STK40: variants seen among roughly 807,000 people sequenced by gnomAD.
The protein encoded by STK40 is serine/threonine-protein kinase 40.
A neutral mutation model predicts 47.9 loss-of-function variants in STK40; 13 were observed. The observed-to-expected ratio is 0.27, with a 90% CI of 0.18 to 0.43. The LOEUF (loss-of-function observed/expected upper bound fraction) is 0.43, where lower values mean the gene tolerates loss of function less well. Ranked by LOEUF, STK40 falls within the 20% of genes least tolerant of loss-of-function variation. STK40 has a pLI of 1.00. For synonymous variants in STK40, 225 were observed against 243.2 expected (o/e 0.93, Z 0.69); for missense variants, 460 against 595.1 (o/e 0.77, Z 2.36).
intron 9 of STK40, 67 bp downstream of exon 9, chr1:36,343,789 CTTTT>C: frequency 6.6e-7 from 1 of 1,511,432 alleles, no homozygotes; most frequent in Non-Finnish European, 8.8e-7. Flanking sequence ...CTACTGGCTG[CTTTT>C]CTGGGTAGGA....
chr1:36,364,535 T>G (rs1395295287), intron 1 of STK40, among the ~76,000 whole-genome samples: 2 of 152,252 alleles, frequency 1.3e-5, no homozygotes, highest in Admixed American at 1.3e-4. Context: ...TTTATGAATT[T>G]CCTTTATATT....
At chr1:36,345,710 C>T (rs781696458) in intron 7 of STK40, among the ~76,000 whole-genome samples, 1 of 151,976 alleles carries the variant, frequency 6.6e-6, no homozygotes, top group Non-Finnish European at 1.5e-5. Flanking sequence ...CCTCTCCTCC[C>T]GTGGCTGGAA....
intron 5 of STK40, among the ~76,000 whole-genome samples, chr1:36,354,776 A>G (rs1376194976): frequency 1.3e-5 from 2 of 151,900 alleles, no homozygotes; most frequent in African/African-American, 4.8e-5. Flanking sequence ...CTTTGTGACT[A>G]AGTACCACAG....
At chr1:36,344,865 C>T (rs974619348) in intron 7 of STK40, among the ~76,000 whole-genome samples, 5 of 152,208 alleles carry the variant, frequency 3.3e-5, no homozygotes, top group African/African-American at 7.2e-5. Context: ...ATCTGTAAAG[C>T]GAAAAGGAGC....
chr1:36,384,031 C>CCTT (rs1553140343), intron 1 of STK40, among the ~76,000 whole-genome samples: 1 of 131,952 alleles, frequency 7.6e-6, no homozygotes. Context: ...TCTTCTTCTT[C>CCTT]TTTTTTTTTT....
At position 36,374,872 on chromosome 1, in the gene STK40, T is replaced by C. The variant is rs534236417; in HGVS notation, c.-9+10851A>G. On this transcript the variant is annotated intron_variant, in intron 1 of 10. Transcript: ENST00000373132. ...GATTGCAACAAGGGAGGTCCTGGCA[T>C]GGGCATGTGACTAAGAGTCCCTTCA... Among the ~76,000 whole-genome samples the C allele has an allele frequency of 2.6e-5, 4 of 152,298 alleles. No homozygotes were observed. The South Asian group carries it at 6.2e-4, about 24-fold the overall frequency.
intron 6 of STK40, among the ~76,000 whole-genome samples, chr1:36,351,665 C>T (rs769181050): frequency 7.9e-5 from 12 of 152,178 alleles, no homozygotes; most frequent in Non-Finnish European, 1.5e-4. Context: ...GGAGCACGCA[C>T]TCACACTCAC....
chr1:36,384,668 G>A (rs1159241481), intron 1 of STK40, among the ~76,000 whole-genome samples: 2 of 152,178 alleles, frequency 1.3e-5, no homozygotes, highest in East Asian at 3.8e-4. Flanking sequence ...TTGCCTCTAG[G>A]CAAGGACTCT....
At chr1:36,365,631 G>A (rs1173999915) in intron 1 of STK40, among the ~76,000 whole-genome samples, 1 of 152,206 alleles carries the variant, frequency 6.6e-6, no homozygotes, top group Non-Finnish European at 1.5e-5. Context: ...GGGCAGTAAT[G>A]TGTCTGGCAC....
intron 6 of STK40, among the ~76,000 whole-genome samples, chr1:36,352,907 C>T (rs1646771698): frequency 6.6e-6 from 1 of 152,250 alleles, no homozygotes; most frequent in Admixed American, 6.5e-5. Flanking sequence ...GAATGCTTAG[C>T]AGCTGAGGTG....
chr1:36,369,635 C>T (rs768721761), intron 1 of STK40, among the ~76,000 whole-genome samples: 19 of 152,228 alleles, frequency 1.2e-4, no homozygotes, highest in African/African-American at 1.7e-4. Flanking sequence ...TCACAGAAGG[C>T]CTCCTGCCAA....
At chr1:36,350,213 G>C (rs112178712) in intron 6 of STK40, among the ~76,000 whole-genome samples, 24 of 152,350 alleles carry the variant, frequency 1.6e-4, no homozygotes, top group African/African-American at 4.3e-4. Flanking sequence ...GAGCCTGATC[G>C]CACAGGTGAA....
Position 36,341,831 on chromosome 1 carries a change from C to G in STK40, c.1232G>C (p.Arg411Pro). ...GGGCTGTGCGTCGTGGCCCAGCCGT[C>G]GCACCGGTGGTGCGCTGCCGAACTG... is the stretch of plus-strand genomic sequence containing the variant. The part of the protein sequence containing the change: ...KRQFGSAPPV[R>P]RLGHDAQPMT... Residue 411 changes from arginine to proline, a missense_variant, in exon 11 of 11, where the codon CGA becomes CCA. By Grantham distance (103) the Arg-to-Pro change is moderately radical. This residue lies in a region of STK40 where 181 missense variants were observed against 218.9 expected (regional missense o/e 0.83). Transcript: ENST00000373132. 1 of 1,613,610 alleles carries G rather than the reference C, an allele frequency of 6.2e-7. No homozygotes were observed. The highest frequency in any genetic ancestry group is 8.5e-7 in the Non-Finnish European group (1 of 1,179,976).
At chr1:36,350,197 C>T (rs567121160) in intron 6 of STK40, among the ~76,000 whole-genome samples, 6 of 152,330 alleles carry the variant, frequency 3.9e-5, no homozygotes, top group South Asian at 2.1e-4. Context: ...GGCCCGCAGG[C>T]GGCTAGAGCC....
chr1:36,353,487 C>T (rs1276068446), intron 6 of STK40, among the ~76,000 whole-genome samples: 5 of 152,210 alleles, frequency 3.3e-5, no homozygotes, highest in South Asian at 2.1e-4. Context: ...TGCTGGTTCA[C>T]CCCAACAAGG....
At chr1:36,356,780 G>A (rs1348234488) in intron 4 of STK40, among the ~76,000 whole-genome samples, 1 of 152,114 alleles carries the variant, frequency 6.6e-6, no homozygotes, top group African/African-American at 2.4e-5. Flanking sequence ...TCCTAGCACA[G>A]TGTCTGGCAC....
chr1:36,341,963 G>A lies in STK40; in HGVS notation c.1100C>T (p.Thr367Met), dbSNP rs202225847. Residue 367 changes from threonine (T) to methionine (M), a missense_variant, in exon 11 of 11, where the codon ACG becomes ATG. By Grantham distance (81) the Thr-to-Met change is moderately conservative. Transcript: ENST00000373132. ...NADSSQEAKV[T>M]EECSQYEFEN... is the part of the protein sequence containing the mutation. ...AAACTCGTACTGGGAGCACTCCTCC[G>A]TCACCTTCGCCTTTGAGGCGGGGAG... is the stretch of plus-strand genomic sequence containing the variant. 5.7e-5 allele frequency: 92 copies of A among 1,613,048 alleles called. No homozygotes were observed. The highest frequency in any genetic ancestry group is 4.7e-4 in the Admixed American group (28 of 59,888).
At position 36,341,599 on chromosome 1, in the gene STK40, T is replaced by C. The variant is rs996793792; in HGVS notation, c.*156A>G. On this transcript the variant is annotated 3_prime_UTR_variant, in exon 11 of 11. Transcript: ENST00000373132. ...CCAAAAGGTAGCTTCGTGGTACCTC[T>C]GCTGACCCCACGTGTGACCTGGGCT... 3 of 825,222 alleles carry C rather than the reference T, an allele frequency of 3.6e-6. No homozygotes were observed. Among genetic ancestry groups the C allele is most frequent in the Admixed American group, 5.7e-5 (2 of 35,254 alleles). 51.1% of individuals were successfully genotyped at this position (825,222 alleles called of 1,614,324 possible).
intron 1 of STK40, among the ~76,000 whole-genome samples, chr1:36,368,291 TC>T (rs1646918246): frequency 6.6e-6 from 1 of 152,194 alleles, no homozygotes; most frequent in African/African-American, 2.4e-5. Flanking sequence ...ATATTTTTTT[TC>T]GAGACAGGGT....
Sources: allele counts gnomAD v4.1 joint callset (sites outside exome capture counted in the v4.1 genomes callset), GRCh38; gene constraint gnomAD v4.1.1; regional missense constraint gnomAD v4.1.1; transcripts MANE v1.5; gene names NCBI Gene and HGNC (gene_info 2026-07-23, HGNC 2026-07-21).